PCDH15: variants seen among roughly 807,000 people sequenced by gnomAD.
PCDH15 encodes the protein protocadherin related 15.
PCDH15 carries 129 observed loss-of-function variants against 178.5 expected under a neutral mutation model. That is an observed-to-expected ratio of 0.72 (90% CI 0.63 to 0.84). PCDH15 has a LOEUF of 0.84. Ranked by LOEUF, PCDH15 falls within the 40% of genes least tolerant of loss-of-function variation. PCDH15 has a pLI of 0.00. For missense variants in PCDH15, 2,230 were observed against 2,099.9 expected, an observed-to-expected ratio of 1.06 and a Z score of -1.21; for synonymous variants, 800 against 732.0, an observed-to-expected ratio of 1.09 and a Z score of -1.50.
intron 8 of PCDH15, among the ~76,000 whole-genome samples, chr10:54,251,666 G>T (rs994973682): frequency 2.5e-4 from 38 of 152,136 alleles, no homozygotes; most frequent in Admixed American, 2.2e-3. Flanking sequence ...TTACCAAGAG[G>T]TTTGTTTATT....
intron 3 of PCDH15, among the ~76,000 whole-genome samples, chr10:54,525,606 GT>G (rs2083291056): frequency 6.6e-6 from 1 of 152,216 alleles, no homozygotes. Context: ...CTGTGAGTGT[GT>G]GCCACCACAC....
At chr10:54,118,829 T>C (rs1457780378) in intron 15 of PCDH15, among the ~76,000 whole-genome samples, 3 of 151,762 alleles carry the variant, frequency 2.0e-5, no homozygotes, top group African/African-American at 7.3e-5. Context: ...CCTCAGCCAC[T>C]TGAAAATAGC....
rs182258304 is a variant in PCDH15 at position 54,891,378 on chromosome 10, C to T, written c.-29+6072G>A. 6.6e-5 allele frequency among the ~76,000 whole-genome samples: 10 copies of T among 152,144 alleles called. No homozygotes were observed. In the East Asian group the frequency reaches 9.7e-4, roughly 15 times the overall value. On this transcript the variant is annotated intron_variant, in intron 3 of 5. Coordinates refer to the PCDH15 transcript ENST00000458638. ...TTTCTGGCCTTCAGACCTACTTTAGCGCAAAAGCAACATAGGATTCAGATC... is the reference window on the plus strand; with the variant it reads ...TTTCTGGCCTTCAGACCTACTTTAGTGCAAAAGCAACATAGGATTCAGATC...
chr10:55,538,947 CT>C (rs1841689163), intron 2 of PCDH15, among the ~76,000 whole-genome samples: 1 of 14,636 alleles, frequency 6.8e-5, no homozygotes, highest in Admixed American at 7.4e-4. Flanking sequence ...TCCTTCCTCC[CT>C]TCCTTCCTTT....
At chr10:54,277,308 T>C (rs2058404540) in intron 8 of PCDH15, among the ~76,000 whole-genome samples, 1 of 151,548 alleles carries the variant, frequency 6.6e-6, no homozygotes, top group Admixed American at 6.6e-5. Context: ...ATAGTCTTAG[T>C]GATCATTGGG....
At chr10:55,127,030 G>A (rs941886541) in intron 2 of PCDH15, among the ~76,000 whole-genome samples, 1 of 151,880 alleles carries the variant, frequency 6.6e-6, no homozygotes, top group African/African-American at 2.4e-5. Flanking sequence ...AAAACTAGTA[G>A]AACATACTTC....
intron 1 of PCDH15, among the ~76,000 whole-genome samples, chr10:54,722,430 G>A (rs955931917): frequency 2.6e-5 from 4 of 151,596 alleles, no homozygotes; most frequent in African/African-American, 9.7e-5. Context: ...TTAACTAGCA[G>A]TCAATTCTGT....
intron 13 of PCDH15, among the ~76,000 whole-genome samples, chr10:54,167,326 C>T (rs2046335691): frequency 6.6e-6 from 1 of 152,266 alleles, no homozygotes; most frequent in Middle Eastern, 3.4e-3. Context: ...TGTCCCTCAA[C>T]CACTTTCTCC....
chr10:54,116,330 C>T (rs187792392), intron 15 of PCDH15, among the ~76,000 whole-genome samples: 145 of 150,962 alleles, frequency 9.6e-4, no homozygotes, highest in African/African-American at 3.3e-3. Context: ...AGGAGAATAA[C>T]CACAACTTTC....
At chr10:54,874,251 C>T (rs945892326) in intron 3 of PCDH15, among the ~76,000 whole-genome samples, 3 of 143,066 alleles carry the variant, frequency 2.1e-5, no homozygotes, top group African/African-American at 7.9e-5. Context: ...CGATAGTTTA[C>T]TGAGAATGAT....
intron 2 of PCDH15, among the ~76,000 whole-genome samples, chr10:55,471,309 C>T (rs775036591): frequency 2.0e-5 from 3 of 151,888 alleles, no homozygotes; most frequent in African/African-American, 4.8e-5. Flanking sequence ...ATTAAATAGC[C>T]TTTAGTTTGT....
chr10:53,963,340 T>A (rs1589649386), intron 21 of PCDH15, among the ~76,000 whole-genome samples: 1 of 152,248 alleles, frequency 6.6e-6, no homozygotes, highest in East Asian at 1.9e-4. Context: ...ATTTAACCTT[T>A]TTCCACTATT....
At chr10:54,557,739 A>G (rs1267779515) in intron 2 of PCDH15, among the ~76,000 whole-genome samples, 1 of 152,090 alleles carries the variant, frequency 6.6e-6, no homozygotes, top group Non-Finnish European at 1.5e-5. Flanking sequence ...ATATTCCTAT[A>G]GTTCTTTCTG....
chr10:55,099,499 C>A (rs1279334043), intron 2 of PCDH15, among the ~76,000 whole-genome samples: 1 of 151,946 alleles, frequency 6.6e-6, no homozygotes. Context: ...TGAATTATTG[C>A]AGTGTAGTAA....
chr10:54,610,738 A>T (rs1217167137), intron 2 of PCDH15, among the ~76,000 whole-genome samples: 2 of 151,870 alleles, frequency 1.3e-5, no homozygotes, highest in Non-Finnish European at 2.9e-5. Flanking sequence ...AGAATAGAAG[A>T]ATAAGAGTAG....
intron 10 of PCDH15, among the ~76,000 whole-genome samples, chr10:54,205,960 A>C (rs11004136): frequency 0.02 from 2,978 of 152,186 alleles, 79 homozygotes; most frequent in African/African-American, 0.068. Context: ...TTTTTGTATG[A>C]CAAAAAGGAA....
chr10:55,026,756 T>C (rs1840485260), intron 2 of PCDH15, among the ~76,000 whole-genome samples: 1 of 151,956 alleles, frequency 6.6e-6, no homozygotes, highest in Non-Finnish European at 1.5e-5. Flanking sequence ...AGGATATTTT[T>C]GTGGGAAGAC....
At chr10:55,040,104 G>A (rs1211716159) in intron 2 of PCDH15, among the ~76,000 whole-genome samples, 1 of 151,916 alleles carries the variant, frequency 6.6e-6, no homozygotes, top group African/African-American at 2.4e-5. Flanking sequence ...AAGATCTCAT[G>A]GCAATAATAA....
chr10:54,220,111 G>A (rs2134179979), intron 9 of PCDH15, among the ~76,000 whole-genome samples: 1 of 152,280 alleles, frequency 6.6e-6, no homozygotes, highest in East Asian at 1.9e-4. Flanking sequence ...ATAGAATGGA[G>A]CAGGGCTCCT....
Sources: allele counts gnomAD v4.1 joint callset (sites outside exome capture counted in the v4.1 genomes callset), GRCh38; gene constraint gnomAD v4.1.1; transcripts MANE v1.5; gene names NCBI Gene and HGNC (gene_info 2026-07-23, HGNC 2026-07-21).